Variants in TICRR observed in about 807,000 individuals in gnomAD.
TICRR encodes the protein TOPBP1 interacting checkpoint and replication regulator.
TICRR carries 132 observed loss-of-function variants against 178.1 expected under a neutral mutation model. The observed-to-expected ratio is 0.74, with a 90% CI of 0.64 to 0.86. TICRR has a LOEUF of 0.86. Among genes scored for constraint, TICRR ranks in the 40% least tolerant of loss-of-function variants. The pLI is 0.00. For synonymous variants in TICRR, 991 were observed against 900.7 expected, an observed-to-expected ratio of 1.10 and a Z score of -1.79; for missense variants, 2,587 against 2,334.3, an observed-to-expected ratio of 1.11 and a Z score of -2.23.
At chr15:89,582,073 T>G (rs1962735925) in intron 1 of TICRR, 1 of 152,708 alleles carries the variant, frequency 6.5e-6, no homozygotes. Flanking sequence ...CCTGTAGTCC[T>G]AGAACTTTGG....
intron 1 of TICRR, 124 bp downstream of exon 1, chr15:89,576,364 G>A (rs1221093218): frequency 2.2e-6 from 2 of 924,818 alleles, no homozygotes; most frequent in Non-Finnish European, 3.1e-6. Flanking sequence ...GCGTCCCTTC[G>A]GAAGGAAACA....
chr15:89,613,734 C>CTTTTT (rs34162195), intron 15 of TICRR, among the ~76,000 whole-genome samples: 2 of 61,570 alleles, frequency 3.2e-5, no homozygotes, highest in Admixed American at 1.7e-4. Context: ...TTTCTATTCG[C>CTTTTT]TTTTTTTTTT....
intron 4 of TICRR, 42 bp from the exon 5 acceptor site, chr15:89,592,005 C>T (rs745457197): frequency 1.9e-6 from 3 of 1,581,464 alleles, no homozygotes; most frequent in Non-Finnish European, 1.7e-6. Flanking sequence ...CTTTGGTTCT[C>T]ATGCTGTTTC....
At position 89,577,599 on chromosome 15, in the gene TICRR, C is replaced by CTTTTTTTTTTTT. The variant is rs71151513; in HGVS notation, c.654+1375_654+1386dup. On this transcript the variant is annotated intron_variant, in intron 1 of 21. Coordinates refer to ENST00000268138, the MANE Select transcript of TICRR (RefSeq NM_152259.4). ...ATACAGAGTGGTAGTGAGGGAAGGC[C>CTTTTTTTTTTTT]TTTTTTTTTTTTTTTTTTTTTTTTT... Among the ~76,000 whole-genome samples the CTTTTTTTTTTTT allele has an allele frequency of 4.4e-4, 27 of 60,872 alleles. 2 individuals carry two copies. The highest frequency in any genetic ancestry group is 1.9e-3 in the African/African-American group (25 of 12,956). The allele number at this position is 60,872 out of a possible 152,430, so 39.9% of individuals were successfully genotyped here. A position where few individuals can be genotyped will look rare whatever the true frequency, so the allele number is the denominator to read the frequency against.
intron 15 of TICRR, among the ~76,000 whole-genome samples, chr15:89,613,923 G>A (rs1457260534): frequency 6.6e-6 from 1 of 152,024 alleles, no homozygotes; most frequent in Non-Finnish European, 1.5e-5. Context: ...GGGAGGCCAA[G>A]GCGGGTGGAT....
Position 89,595,547 on chromosome 15 carries a change from T to C in TICRR, c.1836T>C (p.Pro612=). ...GGGAGAAAGGAATCCAAAAGATACC[T>C]AGTGGGAGAACAGTGGATAAATTGG... ...VAGEKGIQKI[P]SGRTVDKLED... The change falls in exon 7 of 22, where the codon CCT becomes CCC. Residue 612 remains proline (P), a synonymous_variant. Transcript: ENST00000268138. 6.2e-7 allele frequency: 1 copy of C among 1,614,214 alleles called. No individual in the cohort carries two copies. Among genetic ancestry groups the C allele is most frequent in the South Asian group, 1.1e-5 (1 of 91,082 alleles).
chr15:89,578,971 G>A (rs1449035003), intron 1 of TICRR, among the ~76,000 whole-genome samples: 2 of 152,170 alleles, frequency 1.3e-5, no homozygotes, highest in Non-Finnish European at 2.9e-5. Flanking sequence ...TCCAGGTCCT[G>A]CCTTGGGGAG....
chr15:89,596,169 A>G (rs1454125387), intron 7 of TICRR, among the ~76,000 whole-genome samples: 5 of 152,230 alleles, frequency 3.3e-5, no homozygotes, highest in African/African-American at 1.2e-4. Flanking sequence ...TCCGTGAGAA[A>G]GACATAATCT....
At chr15:89,620,994 T>C (rs1963415928) in intron 18 of TICRR, among the ~76,000 whole-genome samples, 1 of 151,868 alleles carries the variant, frequency 6.6e-6, no homozygotes, top group Non-Finnish European at 1.5e-5. Flanking sequence ...GTGCTGGGAT[T>C]ACAGGCGTGA....
intron 15 of TICRR, among the ~76,000 whole-genome samples, chr15:89,614,668 A>G (rs914645252): frequency 2.6e-5 from 4 of 152,112 alleles, no homozygotes; most frequent in Non-Finnish European, 2.9e-5. Context: ...AGCTGTAACA[A>G]TCAGATCCAC....
chr15:89,609,507 C>G (rs1410876938), intron 15 of TICRR, among the ~76,000 whole-genome samples: 1 of 152,042 alleles, frequency 6.6e-6, no homozygotes, highest in African/African-American at 2.4e-5. Flanking sequence ...GTCTCACTCA[C>G]TCTGTCTCCT....
intron 7 of TICRR, among the ~76,000 whole-genome samples, chr15:89,596,945 T>C (rs184154164): frequency 1.5e-4 from 23 of 152,346 alleles, no homozygotes; most frequent in Admixed American, 1.1e-3. Context: ...CTGACATCCA[T>C]AATATAAGGG....
At position 89,593,948 on chromosome 15, in the gene TICRR, C is replaced by A. The variant is rs373921344; in HGVS notation, c.1542-467C>A. On this transcript the variant is annotated intron_variant, in intron 5 of 21. Transcript: ENST00000268138. ...GGAAAAGGATTTAATAACTAATCAC[C>A]CCTCCTGCCTGCCCTACTTCCTCCT... is the stretch of plus-strand genomic sequence containing the variant. Among the ~76,000 whole-genome samples the A allele has an allele frequency of 2.6e-5, 4 of 152,214 alleles. No homozygotes were observed. The East Asian group carries it at 7.7e-4, about 29-fold the overall frequency.
chr15:89,627,774 TCCA>T lies in TICRR; in HGVS notation c.*692_*694del, dbSNP rs1457073908. ...GGAGACCATCACCTGGCTCATCGTT[TCCA>T]CCAAGAGTGCCCCACAGGAGTGCCC... On this transcript the variant is annotated 3_prime_UTR_variant, in exon 22 of 22. Coordinates refer to ENST00000268138, the MANE Select transcript of TICRR (RefSeq NM_152259.4). The T allele has an allele frequency of 6.6e-6, 1 of 152,586 alleles. No individual in the cohort carries two copies. The highest frequency in any genetic ancestry group is 2.4e-5 in the African/African-American group (1 of 41,434). The allele number at this position is 152,586 out of a possible 1,614,324, so 9.5% of individuals were successfully genotyped here.
At chr15:89,611,544 AC>A (rs1963256732) in intron 15 of TICRR, among the ~76,000 whole-genome samples, 1 of 151,962 alleles carries the variant, frequency 6.6e-6, no homozygotes, top group African/African-American at 2.4e-5. Context: ...GAAGGTTTTA[AC>A]CATTATTTCT....
At position 89,575,567 on chromosome 15, in the gene TICRR, G is replaced by A. The variant is rs1261889709; in HGVS notation, c.-20G>A. On this transcript the variant is annotated 5_prime_UTR_variant, in exon 1 of 22. Transcript: ENST00000268138. ...TGGCGCGGGCCCGGACCGGGGCCCC[G>A]GGGCGGCGGCACGGCCGATATGGCA... 10 of 1,451,432 alleles carry A rather than the reference G, an allele frequency of 6.9e-6. No individual in the cohort carries two copies. The highest frequency in any genetic ancestry group is 7.2e-6 in the Non-Finnish European group (8 of 1,109,844). The allele number at this position is 1,451,432 out of a possible 1,614,324, so 89.9% of individuals were successfully genotyped here. A position where few individuals can be genotyped will look rare whatever the true frequency, so the allele number is the denominator to read the frequency against.
chr15:89,601,714 T>C lies in TICRR; in HGVS notation c.2328-23T>C, dbSNP rs979093489. On this transcript the variant is annotated intron_variant, in intron 11 of 21. Transcript: ENST00000268138. ...AGAGGGTAAGATGGTAACTGTTCCG[T>C]ATTCGATCAATCTGTTCCACAGGTA... The C allele has an allele frequency of 4.3e-6, 7 of 1,613,878 alleles. No individual in the cohort carries two copies. The African/African-American group carries it at 9.3e-5, about 22-fold the overall frequency.
chr15:89,586,021 A>T (rs1962817307), intron 4 of TICRR, 79 bp downstream of exon 4: 1 of 1,010,916 alleles, frequency 9.9e-7, no homozygotes, highest in Non-Finnish European at 1.5e-6. Flanking sequence ...TTCACTGTGC[A>T]GTTAGTAGAA....
Position 89,591,156 on chromosome 15 carries a change from G to A in TICRR, c.1412-891G>A, listed in dbSNP as rs752115658. Among the ~76,000 whole-genome samples, 143 of 152,180 alleles carry A rather than the reference G, an allele frequency of 9.4e-4. 1 individual carries two copies. The highest frequency in any genetic ancestry group is 1.6e-3 in the Admixed American group (25 of 15,294). ...GTGTGTGTGTGTGAGACGGAGTCTC[G>A]CTCTTGTCACCCAGGCTGGAGTGCA... On this transcript the variant is annotated intron_variant, in intron 4 of 21. Coordinates refer to ENST00000268138, the MANE Select transcript of TICRR (RefSeq NM_152259.4).
Sources: gnomAD v4.1 joint callset for allele counts (sites outside exome capture counted in the v4.1 genomes callset) on GRCh38, gnomAD v4.1.1 for gene constraint, MANE v1.5 for transcripts, NCBI Gene and HGNC (gene_info 2026-07-23, HGNC 2026-07-21) for gene names.